IKZF1: variants seen among roughly 807,000 people sequenced by gnomAD.
IKZF1 encodes DNA-binding protein Ikaros.
A neutral mutation model predicts 51.7 loss-of-function variants in IKZF1; 10 were observed. The ratio of observed to expected loss-of-function variants is 0.19; its 90% CI spans 0.12 to 0.33. The LOEUF is 0.33. IKZF1 is among the 10% of genes least tolerant of loss of function. The pLI, the probability that IKZF1 is intolerant of heterozygous loss-of-function variation, is 1.00. For synonymous variants in IKZF1, 280 were observed against 282.3 expected, an observed-to-expected ratio of 0.99 and a Z score of 0.08; for missense variants, 484 against 707.5, an observed-to-expected ratio of 0.68 and a Z score of 3.58.
At position 50,361,424 on chromosome 7, in the gene IKZF1, G is replaced by A. The variant is rs79282903; in HGVS notation, c.161-15109G>A. 2.6e-5 allele frequency among the ~76,000 whole-genome samples: 4 copies of A among 152,306 alleles called. No homozygotes were observed. The East Asian group carries it at 5.8e-4, about 22-fold the overall frequency. On this transcript the variant is annotated intron_variant, in intron 3 of 7. Transcript: ENST00000331340. The stretch of plus-strand genomic sequence containing the variant: ...TACAACACTGGGAAAATATCCCTAA[G>A]CCTGTTCTTCAACCTGTTGAATGTT...
intron 5 of IKZF1, 57 bp downstream of exon 5, chr7:50,382,764 TG>T: frequency 6.5e-7 from 1 of 1,539,070 alleles, no homozygotes; most frequent in Non-Finnish European, 8.7e-7. Flanking sequence ...TCCTCCACTC[TG>T]CCCGCCTGGG....
intron 3 of IKZF1, among the ~76,000 whole-genome samples, chr7:50,361,507 G>T (rs79878316): frequency 0.13 from 19,435 of 152,186 alleles, 1,439 homozygotes; most frequent in East Asian, 0.23. Context: ...CATGAAACAG[G>T]CCTAGCAGGG....
intron 2 of IKZF1, among the ~76,000 whole-genome samples, chr7:50,322,498 C>T (rs1426829908): frequency 2.6e-5 from 4 of 152,106 alleles, no homozygotes; most frequent in African/African-American, 9.7e-5. Context: ...GTAGTAGACA[C>T]TCCATAAGTG....
intron 1 of IKZF1, among the ~76,000 whole-genome samples, chr7:50,311,052 A>G (rs1790045267): frequency 6.6e-6 from 1 of 152,226 alleles, no homozygotes; most frequent in African/African-American, 2.4e-5. Flanking sequence ...TATGAAAAAA[A>G]TCTCATCTTG....
At chr7:50,371,592 G>A (rs1304391335) in intron 3 of IKZF1, among the ~76,000 whole-genome samples, 1 of 152,238 alleles carries the variant, frequency 6.6e-6, no homozygotes, top group African/African-American at 2.4e-5. Flanking sequence ...TCTGCCCTGT[G>A]TGTGGACACC....
rs1037789151 is a variant in IKZF1, at chr7:50,401,763, G to A, written c.*1136G>A. 1 of 219,970 alleles carries A rather than the reference G, an allele frequency of 4.5e-6. No homozygotes were observed. Among genetic ancestry groups the A allele is most frequent in the Admixed American group, 5.8e-5 (1 of 17,286 alleles). 13.6% of individuals were successfully genotyped at this position (219,970 alleles called of 1,614,324 possible). ...CTCGTTTTAAAACCCATAAAGGAGT[G>A]ATTTAGAACAGTCATTAATTTTCAA... is the stretch of plus-strand genomic sequence containing the variant. On this transcript the variant is annotated 3_prime_UTR_variant, in exon 8 of 8. Coordinates refer to ENST00000331340, the MANE Select transcript of IKZF1 (RefSeq NM_006060.6).
chr7:50,332,836 A>G (rs1351521943), intron 3 of IKZF1, among the ~76,000 whole-genome samples: 2 of 152,320 alleles, frequency 1.3e-5, no homozygotes, highest in East Asian at 1.9e-4. Context: ...GTATATTTCT[A>G]TATGCCCTGG....
At chr7:50,345,253 T>C (rs185344203) in intron 3 of IKZF1, among the ~76,000 whole-genome samples, 53 of 152,278 alleles carry the variant, frequency 3.5e-4, no homozygotes, top group Non-Finnish European at 2.9e-5. Flanking sequence ...GGATTTGTTT[T>C]ATCCTATTTA....
intron 1 of IKZF1, among the ~76,000 whole-genome samples, chr7:50,317,136 A>G (rs1161843444): frequency 6.6e-6 from 1 of 152,226 alleles, no homozygotes; most frequent in East Asian, 1.9e-4. Flanking sequence ...AAAAAGTTGT[A>G]AAAGATTGTA....
intron 2 of IKZF1, among the ~76,000 whole-genome samples, chr7:50,320,733 G>T (rs1022367094): frequency 6.6e-6 from 1 of 152,086 alleles, no homozygotes; most frequent in African/African-American, 2.4e-5. Flanking sequence ...GGTACAGTTG[G>T]TAAAAGTGAA....
intron 3 of IKZF1, among the ~76,000 whole-genome samples, chr7:50,352,686 T>C (rs972502575): frequency 1.3e-5 from 2 of 152,236 alleles, no homozygotes; most frequent in African/African-American, 4.8e-5. Context: ...TTCAACCTCT[T>C]CGGTCTCTCT....
intron 7 of IKZF1, among the ~76,000 whole-genome samples, chr7:50,397,674 G>T (rs972670603): frequency 2.6e-5 from 4 of 152,214 alleles, no homozygotes; most frequent in African/African-American, 9.7e-5. Flanking sequence ...TGGAGTTAGT[G>T]TAACAAGACA....
chr7:50,380,158 T>C (rs1811438513), intron 4 of IKZF1, among the ~76,000 whole-genome samples: 1 of 152,194 alleles, frequency 6.6e-6, no homozygotes, highest in African/African-American at 2.4e-5. Flanking sequence ...CAAAGGAAAC[T>C]GCTTGAGTGG....
At chr7:50,374,951 G>A (rs1362614263) in intron 3 of IKZF1, among the ~76,000 whole-genome samples, 1 of 152,084 alleles carries the variant, frequency 6.6e-6, no homozygotes, top group Non-Finnish European at 1.5e-5. Flanking sequence ...AGTCCTCAGT[G>A]TACATTAGAA....
At chr7:50,342,156 T>G (rs2153417257) in intron 3 of IKZF1, among the ~76,000 whole-genome samples, 1 of 152,370 alleles carries the variant, frequency 6.6e-6, no homozygotes, top group East Asian at 1.9e-4. Context: ...ACATTTGATG[T>G]AAAGAAAATC....
At chr7:50,312,113 A>G (rs1584383779) in intron 1 of IKZF1, among the ~76,000 whole-genome samples, 1 of 152,334 alleles carries the variant, frequency 6.6e-6, no homozygotes, top group Admixed American at 6.5e-5. Flanking sequence ...AATCGGTAAG[A>G]GGGCAGAAGA....
chr7:50,394,236 T>G (rs1446654926), intron 7 of IKZF1: 1 of 232,886 alleles, frequency 4.3e-6, no homozygotes, highest in Non-Finnish European at 8.5e-6. Context: ...GCTTGGCAGT[T>G]CATTTGTAAA....
intron 3 of IKZF1, among the ~76,000 whole-genome samples, chr7:50,371,445 A>G (rs1282885941): frequency 1.3e-5 from 2 of 152,200 alleles, no homozygotes; most frequent in African/African-American, 2.4e-5. Context: ...TCTTCTAGGT[A>G]AAGGAAAAGG....
At chr7:50,365,572 AC>A (rs1351143918) in intron 3 of IKZF1, among the ~76,000 whole-genome samples, 5 of 152,330 alleles carry the variant, frequency 3.3e-5, no homozygotes, top group African/African-American at 9.6e-5. Flanking sequence ...GCAAATCAAA[AC>A]CACAATGAGA....
Sources: gnomAD v4.1 joint callset for allele counts (sites outside exome capture counted in the v4.1 genomes callset) on GRCh38, gnomAD v4.1.1 for gene constraint, MANE v1.5 for transcripts, NCBI Gene and HGNC (gene_info 2026-07-23, HGNC 2026-07-21) for gene names.